Variants in CCDC183 observed in about 807,000 individuals in gnomAD.
CCDC183 encodes the protein coiled-coil domain-containing protein 183.
CCDC183 carries 63 observed loss-of-function variants against 65.2 expected under a neutral mutation model. That is an observed-to-expected ratio of 0.97 (90% confidence interval 0.79 to 1.19). The LOEUF (loss-of-function observed/expected upper bound fraction) is 1.19. Among genes scored for constraint, CCDC183 ranks in the 50% most tolerant of loss-of-function variants. The pLI is 0.00. For missense variants in CCDC183, 769 were observed against 689.3 expected (o/e 1.12, Z -1.30); for synonymous variants, 323 against 276.5 (o/e 1.17, Z -1.67).
chr9:136,797,828 ATGTT>A (rs1490105155), intron 1 of CCDC183, among the ~76,000 whole-genome samples: 5 of 150,606 alleles, frequency 3.3e-5, no homozygotes, highest in East Asian at 2.0e-4. Context: ...CTTTTAGGGG[ATGTT>A]TGTTTGGAGA....
chr9:136,800,329 C>T (rs1283806214), intron 4 of CCDC183, 60 bp from the exon 5 acceptor site: 2 of 1,512,852 alleles, frequency 1.3e-6, no homozygotes, highest in Non-Finnish European at 9.0e-7. Flanking sequence ...AAACCCAGCC[C>T]CGACACCCTC....
intron 5 of CCDC183, 126 bp downstream of exon 5, chr9:136,800,619 C>T: frequency 3.0e-6 from 2 of 671,824 alleles, no homozygotes; most frequent in Non-Finnish European, 2.6e-6. Flanking sequence ...ACCGGCTACG[C>T]AGGACGCCGA....
intron 6 of CCDC183, among the ~76,000 whole-genome samples, chr9:136,803,595 A>T (rs1847787402): frequency 6.6e-6 from 1 of 152,202 alleles, no homozygotes; most frequent in South Asian, 2.1e-4. Context: ...GCACTCATCC[A>T]GTAGTCCATG....
chr9:136,804,657 GCCCATC>G lies in CCDC183; in HGVS notation c.792+36_792+41del, dbSNP rs1847810467. ...GCCCCAGGCCAGGGCCTGGCTGGCTGCCCATCCCCATGACAGCTGGGTGGACACAGG... is the reference window on the plus strand; with the variant it reads ...GCCCCAGGCCAGGGCCTGGCTGGCTGCCCATGACAGCTGGGTGGACACAGG... On this transcript the variant is annotated intron_variant, in intron 7 of 13. Transcript: ENST00000338005. This position sits in a 1 kb window ranked among gnomAD's most constrained non-coding sequence, Gnocchi z 4.1. 1 of 1,613,122 alleles carries G rather than the reference GCCCATC, an allele frequency of 6.2e-7. No individual in the cohort carries two copies. The highest frequency in any genetic ancestry group is 2.2e-5 in the East Asian group (1 of 44,876).
chr9:136,801,781 T>C (rs1285025457), intron 5 of CCDC183, among the ~76,000 whole-genome samples: 2 of 152,062 alleles, frequency 1.3e-5, no homozygotes, highest in African/African-American at 4.8e-5. Flanking sequence ...CACTTCTAGT[T>C]TTGTTTTTGT....
rs547956734 is a variant in CCDC183 at position 136,796,822 on chromosome 9, A to G, written c.70+355A>G. ...ATTAACCAGGGACACAGTGCACTGCAGAAAGCCGCAGGGACCTCTGCCCAG... is the reference window on the plus strand; with the variant it reads ...ATTAACCAGGGACACAGTGCACTGCGGAAAGCCGCAGGGACCTCTGCCCAG... On this transcript the variant is annotated intron_variant, in intron 1 of 13. Coordinates refer to ENST00000338005, the MANE Select transcript of CCDC183 (RefSeq NM_001039374.5). 2.0e-5 allele frequency among the ~76,000 whole-genome samples: 3 copies of G among 152,322 alleles called. No homozygotes were observed. In the South Asian group the frequency reaches 6.2e-4, roughly 32 times the overall value.
intron 5 of CCDC183, among the ~76,000 whole-genome samples, chr9:136,801,787 T>C (rs562705084): frequency 6.6e-6 from 1 of 151,032 alleles, no homozygotes; most frequent in South Asian, 2.1e-4. Context: ...TAGTTTTGTT[T>C]TTGTTTGTTT....
At chr9:136,800,948 A>G (rs1222568080) in intron 5 of CCDC183, among the ~76,000 whole-genome samples, 1 of 152,196 alleles carries the variant, frequency 6.6e-6, no homozygotes, top group African/African-American at 2.4e-5. Context: ...GACCCCCTTC[A>G]TGGGAGGCTG....
Position 136,800,002 on chromosome 9 carries a change from G to A in CCDC183, c.271G>A (p.Val91Met), listed in dbSNP as rs1847711440. 1 of 1,586,302 alleles carries A rather than the reference G, an allele frequency of 6.3e-7. No homozygotes were observed. Among genetic ancestry groups the A allele is most frequent in the Admixed American group, 1.8e-5 (1 of 55,754 alleles). The change falls in exon 4 of 14, where the codon GTG becomes ATG. Residue 91 changes from valine to methionine, a missense_variant and splice_region_variant. By Grantham distance (21) the Val-to-Met change is conservative. Coordinates refer to ENST00000338005, the MANE Select transcript of CCDC183 (RefSeq NM_001039374.5). ...GTGGGCGGTGCCCTTCCCGACCCAGGTGGTGCGGGAGAAGCTGCGCAAGTA... is the reference window on the plus strand; with the variant it reads ...GTGGGCGGTGCCCTTCCCGACCCAGATGGTGCGGGAGAAGCTGCGCAAGTA... ...RLAHCRSTME[V>M]VREKLRKYVF...
At chr9:136,797,405 C>T (rs965345194) in intron 1 of CCDC183, among the ~76,000 whole-genome samples, 1 of 151,558 alleles carries the variant, frequency 6.6e-6, no homozygotes, top group African/African-American at 2.4e-5. Flanking sequence ...TGCCAGTCCC[C>T]TGGGCCCACT....
rs540672152 is a variant in CCDC183 at position 136,798,424 on chromosome 9, A to C, written c.71-678A>C. ...CAAACAATTCTGCCTCAGCCTCCTG[A>C]GTAGCTGGGACTACAGGCACACACC... On this transcript the variant is annotated intron_variant, in intron 1 of 13. Transcript: ENST00000338005. Among the ~76,000 whole-genome samples the C allele has an allele frequency of 2.0e-5, 3 of 151,998 alleles. No individual in the cohort carries two copies. In the South Asian group the frequency reaches 6.2e-4, roughly 32 times the overall value.
In CCDC183 at chr9:136,804,286, G is replaced by A. The variant is rs571685860; in HGVS notation, c.667-216G>A. On this transcript the variant is annotated intron_variant, in intron 6 of 13. Coordinates refer to ENST00000338005, the MANE Select transcript of CCDC183 (RefSeq NM_001039374.5). This position sits in a 1 kb window ranked among gnomAD's most constrained non-coding sequence, Gnocchi z 4.1. ...GCCAGCGGCTGGAGGGCAGCAGAGC[G>A]TCTGGGCTGGCACATGCTCTGAGGC... 28 of 588,590 alleles carry A rather than the reference G, an allele frequency of 4.8e-5. No individual in the cohort carries two copies. In the Middle Eastern group the frequency reaches 1.4e-3, roughly 30 times the overall value. The allele number at this position is 588,590 out of a possible 1,614,324, so 36.5% of individuals were successfully genotyped here.
At chr9:136,806,902 C>T (rs766638626) in intron 12 of CCDC183, 35 bp downstream of exon 12, 43 of 1,613,158 alleles carry the variant, frequency 2.7e-5, no homozygotes, top group South Asian at 1.5e-4. Flanking sequence ...GCACAGCCCA[C>T]GTCCCCTCAA....
At chr9:136,800,357 C>T (rs770549975) in intron 4 of CCDC183, 32 bp from the exon 5 acceptor site, 33 of 1,572,766 alleles carry the variant, frequency 2.1e-5, no homozygotes, top group African/African-American at 5.4e-5. Flanking sequence ...CCGGTCCCCA[C>T]GCCCTCTCAC....
In CCDC183 at chr9:136,807,180, G is replaced by A. The variant is rs771886098; in HGVS notation, c.1486+114G>A. ...CCTGGAGGGACAGCGGGGCTACAGG[G>A]TGCATCAGTTGTACCTGCAGGACTT... On this transcript the variant is annotated intron_variant, in intron 13 of 13. Transcript: ENST00000338005. 752 of 930,092 alleles carry A rather than the reference G, an allele frequency of 8.1e-4. 1 individual carries two copies. Among genetic ancestry groups the A allele is most frequent in the Middle Eastern group, 2.4e-3 (9 of 3,818 alleles). 57.6% of individuals were successfully genotyped at this position (930,092 alleles called of 1,614,324 possible).
intron 1 of CCDC183, among the ~76,000 whole-genome samples, chr9:136,797,029 G>A (rs746540164): frequency 2.0e-5 from 3 of 152,172 alleles, no homozygotes; most frequent in Non-Finnish European, 2.9e-5. Context: ...TCTCCTGCTC[G>A]TCCCTGGGAA....
chr9:136,805,277 TAC>T (rs1847822528), intron 8 of CCDC183, 78 bp from the exon 9 acceptor site: 1 of 1,189,262 alleles, frequency 8.4e-7, no homozygotes, highest in Admixed American at 2.1e-5. Context: ...GCTGGGCAGG[TAC>T]AGAGGTGTCT....
chr9:136,800,713 T>A, intron 5 of CCDC183: 1 of 562,558 alleles, frequency 1.8e-6, no homozygotes, highest in Non-Finnish European at 3.2e-6. Context: ...TTCTTCGGAC[T>A]TTCTTGCACG....
chr9:136,800,243 G>C lies in CCDC183; in HGVS notation c.438+74G>C. On this transcript the variant is annotated intron_variant, in intron 4 of 13. Coordinates refer to ENST00000338005, the MANE Select transcript of CCDC183 (RefSeq NM_001039374.5). ...CTCACGGGAGGGGCGGGGCCACCGGGGGGCGGGACTTGCGGGTCCCCTGGG... is the reference window on the plus strand; with the variant it reads ...CTCACGGGAGGGGCGGGGCCACCGGCGGGCGGGACTTGCGGGTCCCCTGGG... 2.9e-6 allele frequency: 4 copies of C among 1,385,096 alleles called. No individual in the cohort carries two copies. The South Asian group carries it at 5.5e-5, about 19-fold the overall frequency. The allele number at this position is 1,385,096 out of a possible 1,614,324, so 85.8% of individuals were successfully genotyped here.
Sources: allele counts gnomAD v4.1 joint callset (sites outside exome capture counted in the v4.1 genomes callset), GRCh38; gene constraint gnomAD v4.1.1; non-coding constraint Gnocchi (gnomAD v3.1); transcripts MANE v1.5; gene names NCBI Gene and HGNC (gene_info 2026-07-23, HGNC 2026-07-21).